The following MARCHF1 variants were observed in gnomAD, a reference collection of about 807,000 sequenced individuals.
The protein encoded by MARCHF1 is membrane associated ring-CH-type finger 1, also known as E3 ubiquitin-protein ligase MARCHF1.
MARCHF1 carries 40 observed loss-of-function variants against 54.2 expected under a neutral mutation model. The ratio of observed to expected loss-of-function variants is 0.74; its 90% confidence interval spans 0.57 to 0.96. The LOEUF (loss-of-function observed/expected upper bound fraction) is 0.96. MARCHF1 is among the 40% of genes least tolerant of loss of function. The pLI, the probability that MARCHF1 is intolerant of heterozygous loss-of-function variation, is 0.00. For missense variants in MARCHF1, 586 were observed against 656.5 expected, an observed-to-expected ratio of 0.89 and a Z score of 1.17; for synonymous variants, 236 against 236.3, an observed-to-expected ratio of 1.00 and a Z score of 0.01.
chr4:163,573,696 T>C (rs1739928737), intron 8 of MARCHF1, among the ~76,000 whole-genome samples: 1 of 152,100 alleles, frequency 6.6e-6, no homozygotes, highest in Admixed American at 6.5e-5. Context: ...CCACATTTTC[T>C]TAATCCAGTC....
chr4:164,192,330 T>C (rs1218092081), intron 1 of MARCHF1, among the ~76,000 whole-genome samples: 3 of 150,072 alleles, frequency 2.0e-5, no homozygotes, highest in Non-Finnish European at 2.9e-5. Flanking sequence ...TATTTACTTA[T>C]ATAAGTTTAG....
In MARCHF1 at chr4:164,351,174, G is replaced by C. The variant is rs370902676; in HGVS notation, c.-323+32696C>G. Among the ~76,000 whole-genome samples the C allele has an allele frequency of 7.8e-4, 119 of 151,868 alleles. 2 individuals are homozygous for C. The East Asian group carries it at 0.015, about 19-fold the overall frequency. The stretch of plus-strand genomic sequence containing the variant: ...TGAGATCAAACTGCAAGGCGGCAGC[G>C]AGGCTGGGGTAGGGGCGCCCGCCAT... On this transcript the variant is annotated intron_variant, in intron 1 of 9. Transcript: ENST00000514618.
chr4:164,038,896 G>A (rs1188133875), intron 2 of MARCHF1, among the ~76,000 whole-genome samples: 2 of 151,818 alleles, frequency 1.3e-5, no homozygotes, highest in Non-Finnish European at 2.9e-5. Flanking sequence ...GTTTTAAGTG[G>A]AACCCCCTCA....
At chr4:164,056,968 G>A (rs192350862) in intron 2 of MARCHF1, among the ~76,000 whole-genome samples, 1 of 152,184 alleles carries the variant, frequency 6.6e-6, no homozygotes, top group East Asian at 1.9e-4. Flanking sequence ...GTGGGCTCTG[G>A]GAAGGTTACA....
At chr4:164,310,809 T>C (rs1734829405) in intron 1 of MARCHF1, among the ~76,000 whole-genome samples, 1 of 151,936 alleles carries the variant, frequency 6.6e-6, no homozygotes, top group Admixed American at 6.6e-5. Context: ...AACTGGAAAA[T>C]ATAAAAACAT....
At chr4:164,141,939 A>AGTGGGCACAGGTCAGTGG (rs1553985883) in intron 1 of MARCHF1, among the ~76,000 whole-genome samples, 1,944 of 151,104 alleles carry the variant, frequency 0.013, 39 homozygotes, top group African/African-American at 0.042. Context: ...AGTGCCAGAC[A>AGTGGGCACAGGTCAGTGG]GTGGGCGCAG....
chr4:163,585,717 C>T (rs1256425368), intron 8 of MARCHF1, 32 bp downstream of exon 8: 1 of 1,481,782 alleles, frequency 6.7e-7, no homozygotes, highest in East Asian at 2.4e-5. Context: ...TGCAAATGGT[C>T]CCTCCCAAAC....
intron 3 of MARCHF1, among the ~76,000 whole-genome samples, chr4:163,879,430 A>T (rs1009698961): frequency 2.0e-5 from 3 of 152,156 alleles, no homozygotes; most frequent in Admixed American, 6.5e-5. Context: ...TTCATGGGAT[A>T]AAAAATAAAT....
chr4:164,014,093 G>T (rs1408416100), intron 2 of MARCHF1, among the ~76,000 whole-genome samples: 3 of 151,912 alleles, frequency 2.0e-5, no homozygotes, highest in Admixed American at 6.6e-5. Flanking sequence ...TTGGGAGGCT[G>T]AGGCAGGAGA....
At chr4:163,717,435 T>G (rs75765217) in intron 4 of MARCHF1, among the ~76,000 whole-genome samples, 5,964 of 152,076 alleles carry the variant, frequency 0.039, 173 homozygotes, top group East Asian at 0.078. Context: ...TTTGCTATTG[T>G]GAATGCTGCT....
intron 2 of MARCHF1, among the ~76,000 whole-genome samples, chr4:164,054,904 T>C (rs2045749066): frequency 1.3e-5 from 2 of 151,824 alleles, no homozygotes; most frequent in Non-Finnish European, 2.9e-5. Flanking sequence ...AATGTGCACA[T>C]GTACCCTAAA....
intron 1 of MARCHF1, among the ~76,000 whole-genome samples, chr4:164,289,842 A>T (rs890077571): frequency 6.6e-6 from 1 of 152,006 alleles, no homozygotes; most frequent in South Asian, 2.1e-4. Context: ...CAAAATATTC[A>T]GCTCTTTATG....
chr4:163,534,329 G>T (rs1264671774), intron 9 of MARCHF1, among the ~76,000 whole-genome samples: 1 of 151,950 alleles, frequency 6.6e-6, no homozygotes, highest in Non-Finnish European at 1.5e-5. Context: ...TTGCCATCTG[G>T]CCCAGAGGAA....
intron 1 of MARCHF1, among the ~76,000 whole-genome samples, chr4:164,200,271 T>C (rs923720226): frequency 3.9e-5 from 6 of 152,236 alleles, no homozygotes; most frequent in African/African-American, 1.2e-4. Flanking sequence ...CAAGATATCA[T>C]TGTAAACATT....
At chr4:163,652,483 T>G (rs1743001626) in intron 5 of MARCHF1, among the ~76,000 whole-genome samples, 1 of 151,856 alleles carries the variant, frequency 6.6e-6, no homozygotes, top group Admixed American at 6.6e-5. Flanking sequence ...TGTTTCTGAC[T>G]GTGATGTCTC....
In MARCHF1 at chr4:164,307,797, T is replaced by A. The variant is rs114075395; in HGVS notation, c.-323+76073A>T. On this transcript the variant is annotated intron_variant, in intron 1 of 9. Transcript: ENST00000514618. Reference sequence around the variant, plus strand: ...TACAGGCACAACAAAATTAAACAAATATATAATGCAAGTTGTACAATGTAA... The same window carrying A: ...TACAGGCACAACAAAATTAAACAAAAATATAATGCAAGTTGTACAATGTAA... 7.3e-3 allele frequency among the ~76,000 whole-genome samples: 1,105 copies of A among 152,242 alleles called. 10 individuals are homozygous for A. Among genetic ancestry groups the A allele is most frequent in the African/African-American group, 0.025 (1,034 of 41,540 alleles).
chr4:164,176,980 C>CTATATATATATATATATATA (rs71595261), intron 1 of MARCHF1, among the ~76,000 whole-genome samples: 4 of 58,908 alleles, frequency 6.8e-5, no homozygotes, highest in African/African-American at 2.9e-4. Context: ...CTCTCTCTCT[C>CTATATATATATATATATATA]TATATATATA....
intron 4 of MARCHF1, among the ~76,000 whole-genome samples, chr4:163,762,623 G>T (rs1167789354): frequency 6.6e-6 from 1 of 151,944 alleles, no homozygotes; most frequent in East Asian, 1.9e-4. Flanking sequence ...TCATTTCTTT[G>T]ACCGTTGTAA....
chr4:163,824,474 T>C (rs993411587), intron 4 of MARCHF1, among the ~76,000 whole-genome samples: 4 of 142,746 alleles, frequency 2.8e-5, no homozygotes, highest in Non-Finnish European at 6.1e-5. Context: ...CCTTACACCT[T>C]ATACAAAAAT....
Sources: gnomAD v4.1 joint callset for allele counts (sites outside exome capture counted in the v4.1 genomes callset) on GRCh38, gnomAD v4.1.1 for gene constraint, MANE v1.5 for transcripts, NCBI Gene and HGNC (gene_info 2026-07-23, HGNC 2026-07-21) for gene names.